LRRFIP2: variants seen among roughly 807,000 people sequenced by gnomAD.
LRRFIP2 encodes leucine-rich repeat flightless-interacting protein 2.
LRRFIP2 carries 109 observed loss-of-function variants against 125.9 expected under a neutral mutation model. The observed-to-expected ratio is 0.87, with a 90% CI of 0.74 to 1.01. The LOEUF (loss-of-function observed/expected upper bound fraction) is 1.01, where lower values mean the gene tolerates loss of function less well. LRRFIP2 is among the 50% of genes least tolerant of loss of function. The probability of loss-of-function intolerance (pLI) is 0.00; values close to 1 mark genes in which losing one functional copy is unlikely to be tolerated. For missense variants in LRRFIP2, 850 were observed against 862.3 expected, an observed-to-expected ratio of 0.99 and a Z score of 0.18; for synonymous variants, 291 against 293.1, an observed-to-expected ratio of 0.99 and a Z score of 0.07.
intron 2 of LRRFIP2, among the ~76,000 whole-genome samples, chr3:37,142,148 CTTTTTTTT>C (rs1006144645): frequency 3.9e-5 from 5 of 129,754 alleles, no homozygotes; most frequent in African/African-American, 1.2e-4. Context: ...ATTTTTCCTA[CTTTTTTTT>C]TTTTTTTTTT....
intron 18 of LRRFIP2, among the ~76,000 whole-genome samples, chr3:37,084,269 C>T (rs1167628164): frequency 1.3e-5 from 2 of 152,122 alleles, no homozygotes; most frequent in Non-Finnish European, 2.9e-5. Flanking sequence ...TTAGTACTTT[C>T]CTGTTCTGCA....
At chr3:37,146,408 C>T (rs111853528) in intron 2 of LRRFIP2, among the ~76,000 whole-genome samples, 2,411 of 152,198 alleles carry the variant, frequency 0.016, 39 homozygotes, top group Non-Finnish European at 0.025. Flanking sequence ...CAACCTATCA[C>T]CTAGGTATTT....
chr3:37,093,628 T>G lies in LRRFIP2; in HGVS notation c.1035+1164A>C, dbSNP rs115818655. 6.3e-3 allele frequency among the ~76,000 whole-genome samples: 955 copies of G among 152,294 alleles called. 7 individuals are homozygous for G. The highest frequency in any genetic ancestry group is 0.021 in the African/African-American group (878 of 41,568). On this transcript the variant is annotated intron_variant, in intron 17 of 27. Transcript: ENST00000336686. Reference sequence around the variant, plus strand: ...GGGTTACTGAACTTCTGGCCTGCAATGCTTCCTCTGACTGTGATCAAAGTT... The same window carrying G: ...GGGTTACTGAACTTCTGGCCTGCAAGGCTTCCTCTGACTGTGATCAAAGTT...
At chr3:37,162,880 T>C (rs919513657) in intron 1 of LRRFIP2, among the ~76,000 whole-genome samples, 1 of 152,234 alleles carries the variant, frequency 6.6e-6, no homozygotes, top group Admixed American at 6.5e-5. Context: ...TGACCCCGTG[T>C]TGATAAAGTT....
intron 1 of LRRFIP2, among the ~76,000 whole-genome samples, chr3:37,154,239 T>G (rs2096118806): frequency 6.6e-6 from 1 of 152,180 alleles, no homozygotes; most frequent in East Asian, 1.9e-4. Context: ...TATTTTCTAG[T>G]AACTCCAGGT....
intron 25 of LRRFIP2, among the ~76,000 whole-genome samples, chr3:37,056,387 A>T (rs1385601248): frequency 6.6e-6 from 1 of 152,224 alleles, no homozygotes; most frequent in Non-Finnish European, 1.5e-5. Flanking sequence ...TATCTAACTT[A>T]AGAACTTTTC....
At chr3:37,107,891 C>T (rs1475560869) in intron 13 of LRRFIP2, among the ~76,000 whole-genome samples, 182 bp downstream of exon 13, 3 of 152,166 alleles carry the variant, frequency 2.0e-5, no homozygotes, top group Non-Finnish European at 4.4e-5. Flanking sequence ...TGCTAAGTCA[C>T]ATTTATAGAG....
In LRRFIP2 at chr3:37,054,514, A is replaced by G. The variant is rs747192557; in HGVS notation, c.1952T>C (p.Ile651Thr). 1 of 1,610,848 alleles carries G rather than the reference A, an allele frequency of 6.2e-7. No homozygotes were observed. The change falls in exon 27 of 28, where the codon ATT (isoleucine) becomes ACT (threonine). Residue 651 changes from isoleucine to threonine, a missense_variant and splice_region_variant. Coordinates refer to ENST00000336686, the MANE Select transcript of LRRFIP2 (RefSeq NM_006309.4). Reference protein sequence around the residue: ...EQDITTLEQSISRLEGQVLRY... With the variant: ...EQDITTLEQSTSRLEGQVLRY... ...CAGAACCTGTCCCTCAAGCCGGCTA[A>G]TCTGTAAGTATGAGAACATAGGCCT...
At chr3:37,150,738 C>T (rs2096001429) in intron 1 of LRRFIP2, among the ~76,000 whole-genome samples, 1 of 152,070 alleles carries the variant, frequency 6.6e-6, no homozygotes, top group African/African-American at 2.4e-5. Flanking sequence ...CTTGCTTTAA[C>T]AAAATAAACC....
intron 11 of LRRFIP2, 30 bp downstream of exon 11, chr3:37,109,497 C>G (rs6806252): frequency 0.5 from 799,135 of 1,609,368 alleles, 206,110 homozygotes; most frequent in African/African-American, 0.65. Flanking sequence ...CCCACCAGCA[C>G]TGCACACACT....
At chr3:37,094,536 GT>G (rs959084271) in intron 17 of LRRFIP2, among the ~76,000 whole-genome samples, 2 of 151,752 alleles carry the variant, frequency 1.3e-5, no homozygotes, top group South Asian at 2.1e-4. Context: ...TACAAAGTGG[GT>G]TTTTTTTGGC....
chr3:37,055,246 A>C, intron 25 of LRRFIP2, 81 bp from the exon 26 acceptor site: 1 of 785,886 alleles, frequency 1.3e-6, no homozygotes, highest in Non-Finnish European at 2.1e-6. Flanking sequence ...TCTGTGGCAC[A>C]GAGAGGACCA....
At chr3:37,063,612 A>G (rs1320041164) in intron 24 of LRRFIP2, 130 bp downstream of exon 24, 8 of 730,126 alleles carry the variant, frequency 1.1e-5, no homozygotes, top group African/African-American at 7.1e-5. Flanking sequence ...TGAATTATCT[A>G]TCCTTCATAT....
At chr3:37,154,902 G>A (rs1365296859) in intron 1 of LRRFIP2, among the ~76,000 whole-genome samples, 1 of 152,184 alleles carries the variant, frequency 6.6e-6, no homozygotes, top group Admixed American at 6.5e-5. Flanking sequence ...TCTAAGTATT[G>A]CATCATGGAG....
intron 6 of LRRFIP2, among the ~76,000 whole-genome samples, chr3:37,119,288 ATTTG>A (rs1311270769): frequency 1.3e-5 from 2 of 152,190 alleles, no homozygotes; most frequent in Non-Finnish European, 2.9e-5. Context: ...TATATCTTAA[ATTTG>A]TTTAATGATA....
chr3:37,152,737 C>T (rs531344875), intron 1 of LRRFIP2, among the ~76,000 whole-genome samples: 4 of 152,154 alleles, frequency 2.6e-5, no homozygotes, highest in African/African-American at 2.4e-5. Context: ...GCCACATGAC[C>T]GAAATGAAAT....
intron 19 of LRRFIP2, among the ~76,000 whole-genome samples, chr3:37,077,345 T>C (rs912947710): frequency 2.0e-5 from 3 of 152,160 alleles, no homozygotes; most frequent in Non-Finnish European, 4.4e-5. Flanking sequence ...AATTATGCAG[T>C]GGTGAAAAAG....
At chr3:37,055,064 A>AGTACCAT in intron 26 of LRRFIP2, 22 bp downstream of exon 26, 1 of 1,496,302 alleles carries the variant, frequency 6.7e-7, no homozygotes. Context: ...TAAATAACTT[A>AGTACCAT]GTACCATATA....
At position 37,083,757 on chromosome 3, in the gene LRRFIP2, T is replaced by A; in HGVS notation, c.1157A>T (p.Asn386Ile). The A allele has an allele frequency of 6.3e-7, 1 of 1,599,504 alleles. No homozygotes were observed. Among genetic ancestry groups the A allele is most frequent in the Admixed American group, 1.8e-5 (1 of 56,194 alleles). The change falls in exon 19 of 28, where the codon AAT (asparagine) becomes ATT (isoleucine). Residue 386 changes from asparagine (N) to isoleucine (I), a missense_variant. Asn to Ile is a moderately radical substitution (Grantham distance 149). Transcript: ENST00000336686. ...EEKYKKAMVS[N>I]AQLDNEKNNL... ...GTTCTTCTCATTGTCTAACTGTGCATTGGAAACCATGGCTTTCTTGTATTT... is the reference window on the plus strand; with the variant it reads ...GTTCTTCTCATTGTCTAACTGTGCAATGGAAACCATGGCTTTCTTGTATTT...
Sources: gnomAD v4.1 joint callset for allele counts (sites outside exome capture counted in the v4.1 genomes callset) on GRCh38, gnomAD v4.1.1 for gene constraint, MANE v1.5 for transcripts, NCBI Gene and HGNC (gene_info 2026-07-23, HGNC 2026-07-21) for gene names.